The following AHCY variants were observed in gnomAD, a reference collection of about 807,000 sequenced individuals.
AHCY encodes S-adenosyl-L-homocysteine hydrolase.
Under a neutral mutation model 45.4 loss-of-function variants are expected in AHCY, and 24 were observed. The observed-to-expected ratio is 0.53, with a 90% CI of 0.38 to 0.74. AHCY has a LOEUF of 0.74. Among genes scored for constraint, AHCY ranks in the 30% least tolerant of loss-of-function variants. The probability of loss-of-function intolerance (pLI) is 0.00; values close to 1 mark genes in which losing one functional copy is unlikely to be tolerated. For missense variants in AHCY, 449 were observed against 594.1 expected (o/e 0.76, Z 2.54); for synonymous variants, 245 against 235.1 (o/e 1.04, Z -0.39).
intron 1 of AHCY, among the ~76,000 whole-genome samples, chr20:34,298,609 A>AGGG (rs35505406): frequency 1.2e-5 from 1 of 83,112 alleles, no homozygotes; most frequent in African/African-American, 3.4e-5. Context: ...CGGCGGCGGG[A>AGGG]GGGGGGGGGG....
the AHCY span, chr20:34,269,190 G>T: frequency 6.8e-7 from 1 of 1,478,734 alleles, no homozygotes. Context: ...CCGGCCGCGA[G>T]CAGGCAGGGC....
chr20:34,302,088 T>C (rs2036794428), intron 1 of AHCY: 1 of 661,300 alleles, frequency 1.5e-6, no homozygotes. Context: ...GCAACCTCCG[T>C]CTCCCCGGCT....
chr20:34,305,998 T>C (rs1340573243), upstream of AHCY, among the ~76,000 whole-genome samples: 1 of 151,174 alleles, frequency 6.6e-6, no homozygotes, highest in Non-Finnish European at 1.5e-5. Flanking sequence ...ACAAGAATTG[T>C]TTGAACCCAG....
At chr20:34,302,997 C>A in intron 1 of AHCY, 1 of 985,460 alleles carries the variant, frequency 1.0e-6, no homozygotes, top group East Asian at 1.1e-4. Flanking sequence ...TTGCGGCTCG[C>A]AGACCGCGCG....
Position 34,311,266 on chromosome 20 carries a change from A to G in AHCY, c.-57+206T>C, listed in dbSNP as rs570146123. ...CACACAAACAGGTATTTGCCTATAC[A>G]TGCAGAAAATATACCAGGCTGGATG... On this transcript the variant is annotated intron_variant, in intron 1 of 9. Coordinates refer to the AHCY transcript ENST00000538132. Among the ~76,000 whole-genome samples the G allele has an allele frequency of 3.1e-4, 48 of 152,386 alleles. No homozygotes were observed. The South Asian group carries it at 9.3e-3, about 30-fold the overall frequency.
chr20:34,280,938 C>T lies in AHCY; in HGVS notation c.*96G>A, dbSNP rs2035979326. ...CCAGAGAGTCGATGGGGGACACTGA[C>T]AAACCAATCACAAAGTTGGTGCCAT... On this transcript the variant is annotated 3_prime_UTR_variant, in exon 10 of 10. Transcript: ENST00000217426. 8 of 1,569,792 alleles carry T rather than the reference C, an allele frequency of 5.1e-6. No individual in the cohort carries two copies. The highest frequency in any genetic ancestry group is 6.9e-6 in the Non-Finnish European group (8 of 1,154,272).
At chr20:34,241,517 C>T in the AHCY span, 1 of 985,428 alleles carries the variant, frequency 1.0e-6, no homozygotes, top group East Asian at 1.1e-4. Flanking sequence ...CTTTAATCTG[C>T]TTTCAGGAGT....
chr20:34,244,696 T>C, the AHCY span, among the ~76,000 whole-genome samples: 4 of 152,238 alleles, frequency 2.6e-5, no homozygotes, highest in African/African-American at 9.6e-5. Flanking sequence ...TGTCTTCTAA[T>C]GTCAAAGAAG....
intron 1 of AHCY, among the ~76,000 whole-genome samples, chr20:34,300,793 C>T (rs1195780329): frequency 4.6e-5 from 7 of 151,364 alleles, no homozygotes; most frequent in African/African-American, 9.7e-5. Flanking sequence ...TGTGGATCTG[C>T]GGAGCAAGAG....
the AHCY span, among the ~76,000 whole-genome samples, chr20:34,248,666 G>A: frequency 6.6e-6 from 1 of 152,044 alleles, no homozygotes; most frequent in Admixed American, 6.6e-5. Flanking sequence ...CTGGTGTGGT[G>A]GCTCACACCT....
At chr20:34,307,120 CTTTTT>C (rs61016665), upstream of AHCY, among the ~76,000 whole-genome samples, 1 of 143,026 alleles carries the variant, frequency 7.0e-6, no homozygotes, top group Non-Finnish European at 1.5e-5. Context: ...TTTTCTTTTT[CTTTTT>C]TTTTTTTTTT....
upstream of AHCY, among the ~76,000 whole-genome samples, chr20:34,304,403 G>A (rs1336998223): frequency 6.6e-6 from 1 of 152,042 alleles, no homozygotes; most frequent in Non-Finnish European, 1.5e-5. Context: ...ACATTCCTCC[G>A]TACACTTTAA....
the AHCY span, among the ~76,000 whole-genome samples, chr20:34,236,004 AAG>A: frequency 6.4e-4 from 72 of 111,818 alleles, 3 homozygotes; most frequent in East Asian, 8.4e-3. Context: ...AGGAAGGAGA[AAG>A]AGAGAAAGAG....
At chr20:34,301,796 A>G in intron 1 of AHCY, 1 of 985,264 alleles carries the variant, frequency 1.0e-6, no homozygotes, top group Non-Finnish European at 1.2e-6. Context: ...CAATGGAGAC[A>G]GTCTACTCTG....
At chr20:34,254,070 G>GT in the AHCY span, among the ~76,000 whole-genome samples, 2,117 of 147,306 alleles carry the variant, frequency 0.014, 48 homozygotes, top group African/African-American at 0.047. Flanking sequence ...GTTTTGTTTC[G>GT]TTTTTTTTTT....
chr20:34,235,705 G>A, the AHCY span, among the ~76,000 whole-genome samples: 2,405 of 149,864 alleles, frequency 0.016, 71 homozygotes, highest in African/African-American at 0.056. Context: ...GATTGCTAGA[G>A]CCCAGGAAGT....
upstream of AHCY, chr20:34,303,483 A>C: frequency 2.7e-6 from 2 of 727,420 alleles, no homozygotes; most frequent in Non-Finnish European, 2.3e-6. Context: ...AAGCCTCAGA[A>C]TTTCACAAGG....
downstream of AHCY, among the ~76,000 whole-genome samples, chr20:34,277,007 G>A (rs1406335422): frequency 6.6e-6 from 1 of 152,038 alleles, no homozygotes; most frequent in Admixed American, 6.5e-5. Context: ...CAGCTTCCTG[G>A]AGTCCTCACT....
chr20:34,276,405 T>C (rs900719352), downstream of AHCY, among the ~76,000 whole-genome samples: 7 of 151,902 alleles, frequency 4.6e-5, no homozygotes, highest in African/African-American at 1.7e-4. Context: ...GAGAGACAGG[T>C]TGAGGAGGGG....
Sources: gnomAD v4.1 joint callset for allele counts (sites outside exome capture counted in the v4.1 genomes callset) on GRCh38, gnomAD v4.1.1 for gene constraint, MANE v1.5 for transcripts, NCBI Gene and HGNC (gene_info 2026-07-23, HGNC 2026-07-21) for gene names.